Variants in PRKAG2 observed in about 807,000 individuals in gnomAD.
PRKAG2 encodes 5'-AMP-activated protein kinase subunit gamma-2.
Under a neutral mutation model 69.6 loss-of-function variants are expected in PRKAG2, and 26 were observed. That is an observed-to-expected ratio of 0.37 (90% CI 0.27 to 0.52). The LOEUF (loss-of-function observed/expected upper bound fraction) is 0.52. Among genes scored for constraint, PRKAG2 ranks in the 20% least tolerant of loss-of-function variants. PRKAG2 has a pLI of 0.90. For synonymous variants in PRKAG2, 293 were observed against 285.0 expected (o/e 1.03, Z -0.28); for missense variants, 557 against 740.0 (o/e 0.75, Z 2.87).
At position 151,675,558 on chromosome 7, in the gene PRKAG2, G is replaced by A. The variant is rs1221506447; in HGVS notation, c.546C>T (p.His182=). ...QHTFPLESYK[H]EPERLENRIY... ...TGCGATTCTCTAACCGTTCAGGCTCGTGCTTATAGGATTCCAGGGGAAACG... is the reference window on the plus strand; with the variant it reads ...TGCGATTCTCTAACCGTTCAGGCTCATGCTTATAGGATTCCAGGGGAAACG... The change falls in exon 4 of 16, where the codon CAC becomes CAT. Residue 182 remains histidine (H), a synonymous_variant. Coordinates refer to ENST00000287878, the MANE Select transcript of PRKAG2 (RefSeq NM_016203.4). 9 of 1,613,976 alleles carry A rather than the reference G, an allele frequency of 5.6e-6. No homozygotes were observed. Among genetic ancestry groups the A allele is most frequent in the Admixed American group, 3.3e-5 (2 of 60,008 alleles).
intron 14 of PRKAG2, among the ~76,000 whole-genome samples, chr7:151,561,472 A>G (rs968124035): frequency 9.2e-5 from 14 of 152,226 alleles, no homozygotes; most frequent in African/African-American, 3.4e-4. Flanking sequence ...TCATATATTA[A>G]GAATCGCATC....
At chr7:151,736,200 C>T (rs1799772050) in intron 3 of PRKAG2, 1 of 1,408,666 alleles carries the variant, frequency 7.1e-7, no homozygotes, top group South Asian at 1.5e-5. Flanking sequence ...TCACCGCAGC[C>T]CCAGAGTCTG....
At chr7:151,651,078 CA>C (rs1828414395) in intron 4 of PRKAG2, among the ~76,000 whole-genome samples, 1 of 152,118 alleles carries the variant, frequency 6.6e-6, no homozygotes, top group African/African-American at 2.4e-5. Context: ...TTTGAGTTTT[CA>C]AGCAAAAATT....
At chr7:151,847,404 A>G (rs1325710218) in intron 1 of PRKAG2, among the ~76,000 whole-genome samples, 1 of 152,090 alleles carries the variant, frequency 6.6e-6, no homozygotes, top group Non-Finnish European at 1.5e-5. Flanking sequence ...TTTTCCTTCT[A>G]TGATCAGCTC....
At chr7:151,656,025 C>T (rs1007212259) in intron 4 of PRKAG2, among the ~76,000 whole-genome samples, 1 of 152,070 alleles carries the variant, frequency 6.6e-6, no homozygotes, top group Non-Finnish European at 1.5e-5. Flanking sequence ...TGTTTGAAAC[C>T]CTGGAATTTT....
In PRKAG2 at chr7:151,781,104, C is replaced by CCCCCAGCA. The variant is rs753625080; in HGVS notation, c.466+40_466+47dup. 3.1e-6 allele frequency: 5 copies of CCCCCAGCA among 1,610,274 alleles called. No homozygotes were observed. The highest frequency in any genetic ancestry group is 1.7e-5 in the Admixed American group (1 of 60,010). ...CGTGGATGTGTGGCTGCAGAAGAGA[C>CCCCCAGCA]CCCCAGCACCCCAGCACCCACCTGA... On this transcript the variant is annotated intron_variant, in intron 3 of 15. Transcript: ENST00000287878. This position sits in a 1 kb window ranked among gnomAD's most constrained non-coding sequence, Gnocchi z 6.1.
rs1292134092 is a variant in PRKAG2 at position 151,877,016 on chromosome 7, C to T, written c.-396G>A. On this transcript the variant is annotated 5_prime_UTR_variant, in exon 1 of 16. Coordinates refer to ENST00000287878, the MANE Select transcript of PRKAG2 (RefSeq NM_016203.4). Reference sequence around the variant, plus strand: ...ATCTGAAAGGCAGGTGCAATTAAAACCAGCAATTTGGAAAACAAGCCTCCT... The same window carrying T: ...ATCTGAAAGGCAGGTGCAATTAAAATCAGCAATTTGGAAAACAAGCCTCCT... 3.1e-6 allele frequency: 1 copy of T among 323,248 alleles called. No homozygotes were observed. The highest frequency in any genetic ancestry group is 2.1e-5 in the African/African-American group (1 of 46,682). The allele number at this position is 323,248 out of a possible 1,614,324, so 20.0% of individuals were successfully genotyped here. A position where few individuals can be genotyped will look rare whatever the true frequency, so the allele number is the denominator to read the frequency against.
intron 5 of PRKAG2, among the ~76,000 whole-genome samples, chr7:151,623,267 G>A (rs930903121): frequency 3.3e-5 from 5 of 149,428 alleles, no homozygotes; most frequent in East Asian, 2.0e-4. Flanking sequence ...GAGAGGCTGA[G>A]GCAGGAGAAT....
intron 1 of PRKAG2, among the ~76,000 whole-genome samples, chr7:151,800,202 C>CA (rs1195486188): frequency 1.3e-5 from 2 of 151,812 alleles, no homozygotes; most frequent in African/African-American, 4.8e-5. Flanking sequence ...CTAAAAAATA[C>CA]AAAAAATTAG....
chr7:151,711,655 G>A (rs542544355), intron 3 of PRKAG2, among the ~76,000 whole-genome samples: 1 of 152,312 alleles, frequency 6.6e-6, no homozygotes, highest in African/African-American at 2.4e-5. Context: ...CCCATTTTAT[G>A]GATGGTGAAA....
Position 151,699,880 on chromosome 7 carries a change from C to T in PRKAG2, c.467-24243G>A, listed in dbSNP as rs1342922079. Among the ~76,000 whole-genome samples the T allele has an allele frequency of 2.6e-5, 4 of 152,112 alleles. No homozygotes were observed. Among genetic ancestry groups the T allele is most frequent in the Non-Finnish European group, 4.4e-5 (3 of 68,034 alleles). On this transcript the variant is annotated intron_variant, in intron 3 of 15. Coordinates refer to ENST00000287878, the MANE Select transcript of PRKAG2 (RefSeq NM_016203.4). The surrounding 1 kb of genome is among the most constrained non-coding windows in gnomAD (Gnocchi z 4.5). ...ACTGGGACTAAGATAAACTGGGGTA[C>T]ATAGCGGAGGAAGAAGGGAGTAGAG...
chr7:151,796,925 A>G (rs2077570916), intron 1 of PRKAG2, among the ~76,000 whole-genome samples: 2 of 152,124 alleles, frequency 1.3e-5, no homozygotes, highest in Non-Finnish European at 2.9e-5. Context: ...AGGGTGTGAA[A>G]AGGCCAGCTC....
rs73481959 is a variant in PRKAG2, at chr7:151,667,785, G to A, written c.684+7635C>T. On this transcript the variant is annotated intron_variant, in intron 4 of 15. Transcript: ENST00000287878. Reference sequence around the variant, plus strand: ...TTGAGACAAGTTAGCTGTTCCTGCCGAGGTCACTCTGGTCCAGCCAGTCCC... The same window carrying A: ...TTGAGACAAGTTAGCTGTTCCTGCCAAGGTCACTCTGGTCCAGCCAGTCCC... Among the ~76,000 whole-genome samples the A allele has an allele frequency of 9.6e-3, 1,467 of 152,278 alleles. 19 individuals are homozygous for A. Among genetic ancestry groups the A allele is most frequent in the African/African-American group, 0.029 (1,205 of 41,550 alleles).
chr7:151,625,662 C>T (rs942356488), intron 5 of PRKAG2, among the ~76,000 whole-genome samples: 2 of 152,170 alleles, frequency 1.3e-5, no homozygotes, highest in African/African-American at 4.8e-5. Context: ...GAAGCAGCAG[C>T]AAGGAGCTGT....
chr7:151,868,799 T>C (rs903120123), intron 1 of PRKAG2, among the ~76,000 whole-genome samples: 4 of 152,094 alleles, frequency 2.6e-5, no homozygotes, highest in African/African-American at 4.8e-5. Flanking sequence ...AGAAAGACAC[T>C]GGCCATGAGC....
At chr7:151,729,759 C>G (rs1344758191) in intron 3 of PRKAG2, among the ~76,000 whole-genome samples, 1 of 152,136 alleles carries the variant, frequency 6.6e-6, no homozygotes, top group South Asian at 2.1e-4. Context: ...ACACCGCAGG[C>G]TCCCTTCTGG....
chr7:151,644,409 C>T (rs1827233683), intron 4 of PRKAG2, among the ~76,000 whole-genome samples: 2 of 152,108 alleles, frequency 1.3e-5, no homozygotes, highest in Non-Finnish European at 2.9e-5. Flanking sequence ...ATAAATATTT[C>T]CTAGAATTTT....
At chr7:151,677,739 T>C (rs1309268934) in intron 3 of PRKAG2, among the ~76,000 whole-genome samples, 1 of 152,176 alleles carries the variant, frequency 6.6e-6, no homozygotes, top group Admixed American at 6.5e-5. Context: ...CCAACCGTGT[T>C]CAAGTAAGAC....
chr7:151,597,169 C>T (rs540372590), intron 5 of PRKAG2, among the ~76,000 whole-genome samples: 2 of 152,232 alleles, frequency 1.3e-5, no homozygotes, highest in South Asian at 2.1e-4. Context: ...GAATACACAC[C>T]GGGCAAAGGG....
Sources: gnomAD v4.1 joint callset for allele counts (sites outside exome capture counted in the v4.1 genomes callset) on GRCh38, gnomAD v4.1.1 for gene constraint, Gnocchi (gnomAD v3.1) non-coding constraint, MANE v1.5 for transcripts, NCBI Gene and HGNC (gene_info 2026-07-23, HGNC 2026-07-21) for gene names.